The following RASA3 variants were observed in gnomAD, a reference collection of about 807,000 sequenced individuals.
The protein encoded by RASA3 is ras GTPase-activating protein 3.
RASA3 carries 73 observed loss-of-function variants against 110.0 expected under a neutral mutation model. The ratio of observed to expected loss-of-function variants is 0.66; its 90% confidence interval spans 0.55 to 0.81. The LOEUF (loss-of-function observed/expected upper bound fraction) is 0.81. Among genes scored for constraint, RASA3 ranks in the 30% least tolerant of loss-of-function variants. RASA3 has a pLI of 0.00. For missense variants in RASA3, 976 were observed against 1,113.2 expected, an observed-to-expected ratio of 0.88 and a Z score of 1.75; for synonymous variants, 500 against 451.4, an observed-to-expected ratio of 1.11 and a Z score of -1.37.
chr13:113,992,806 C>T (rs1424595856), intron 21 of RASA3, among the ~76,000 whole-genome samples: 1 of 152,218 alleles, frequency 6.6e-6, no homozygotes, highest in African/African-American at 2.4e-5. Context: ...GCAGTGTCAC[C>T]AGGCTGCAAA....
At chr13:114,050,526 C>T (rs911670547) in intron 3 of RASA3, among the ~76,000 whole-genome samples, 1 of 152,236 alleles carries the variant, frequency 6.6e-6, no homozygotes, top group Non-Finnish European at 1.5e-5. Context: ...GTCCGGGTCC[C>T]GACCCCTGCA....
At position 114,056,421 on chromosome 13, in the gene RASA3, C is replaced by G. The variant is rs565510040; in HGVS notation, c.174-4266G>C. The stretch of plus-strand genomic sequence containing the variant: ...CACCCTGATGCACAGGGTGGGAAAC[C>G]GAGGCACTCCAACATCTGATGAAAC... On this transcript the variant is annotated intron_variant, in intron 2 of 23. Transcript: ENST00000334062. This position sits in a 1 kb window ranked among gnomAD's most constrained non-coding sequence, Gnocchi z 5.7. 4.1e-6 allele frequency: 4 copies of G among 982,970 alleles called. No individual in the cohort carries two copies. The highest frequency in any genetic ancestry group is 4.8e-6 in the Non-Finnish European group (4 of 827,828). The allele number at this position is 982,970 out of a possible 1,614,324, so 60.9% of individuals were successfully genotyped here. A position where few individuals can be genotyped will look rare whatever the true frequency, so the allele number is the denominator to read the frequency against.
At chr13:114,032,097 C>G (rs539543925) in intron 4 of RASA3, among the ~76,000 whole-genome samples, 16 of 152,166 alleles carry the variant, frequency 1.1e-4, no homozygotes, top group African/African-American at 3.9e-4. Flanking sequence ...ATATTTATTC[C>G]CTATACAAGT....
At chr13:114,097,564 C>T (rs1282303560) in intron 1 of RASA3, among the ~76,000 whole-genome samples, 1 of 152,238 alleles carries the variant, frequency 6.6e-6, no homozygotes, top group African/African-American at 2.4e-5. Context: ...CTTCCTGAAG[C>T]ATCTAAACGC....
intron 4 of RASA3, among the ~76,000 whole-genome samples, chr13:114,036,650 G>A (rs912750722): frequency 6.6e-6 from 1 of 152,342 alleles, no homozygotes; most frequent in South Asian, 2.1e-4. Context: ...CGATTCTCCT[G>A]CCTCAACCTC....
chr13:114,016,957 G>A (rs1004381718), intron 12 of RASA3, among the ~76,000 whole-genome samples: 4 of 152,208 alleles, frequency 2.6e-5, no homozygotes, highest in Non-Finnish European at 4.4e-5. Context: ...GAGAAAGAAG[G>A]TCTCCCTGGG....
At chr13:114,095,457 T>C (rs1323070775) in intron 1 of RASA3, among the ~76,000 whole-genome samples, 1 of 152,196 alleles carries the variant, frequency 6.6e-6, no homozygotes, top group Non-Finnish European at 1.5e-5. Context: ...CAGATTTGCC[T>C]GTCCTGAACA....
In RASA3 at chr13:114,056,281, T is replaced by C. The variant is rs191832620; in HGVS notation, c.174-4126A>G. ...GTGTGTCTGATGTGTGTCTGATGCA[T>C]ATTTGGTGCGTGTCCGGTGCGTGGT... On this transcript the variant is annotated intron_variant, in intron 2 of 23. Coordinates refer to ENST00000334062, the MANE Select transcript of RASA3 (RefSeq NM_007368.4). The surrounding 1 kb of genome is among the most constrained non-coding windows in gnomAD (Gnocchi z 5.7). 1.3e-5 allele frequency among the ~76,000 whole-genome samples: 2 copies of C among 152,266 alleles called. No individual in the cohort carries two copies. Among genetic ancestry groups the C allele is most frequent in the Admixed American group, 1.3e-4 (2 of 15,300 alleles).
rs1443664467 is a variant in RASA3 at position 114,011,900 on chromosome 13, G to A, written c.1513-652C>T. ...TGGTACCACTGCACGCCAGCCTGGT[G>A]ACAGAGCAAGACTCTGTCTCAAAAA... On this transcript the variant is annotated intron_variant, in intron 15 of 23. Coordinates refer to ENST00000334062, the MANE Select transcript of RASA3 (RefSeq NM_007368.4). This position sits in a 1 kb window ranked among gnomAD's most constrained non-coding sequence, Gnocchi z 4.8. Among the ~76,000 whole-genome samples the A allele has an allele frequency of 5.9e-5, 9 of 151,932 alleles. No homozygotes were observed. The highest frequency in any genetic ancestry group is 1.9e-4 in the East Asian group (1 of 5,154).
chr13:114,016,255 T>G lies in RASA3; in HGVS notation c.1223A>C (p.Lys408Thr). The G allele has an allele frequency of 6.3e-7, 1 of 1,597,308 alleles. No individual in the cohort carries two copies. The highest frequency in any genetic ancestry group is 8.6e-7 in the Non-Finnish European group (1 of 1,164,870). Reference protein sequence around the residue: ...PAIEEICQSHKPCEIDPVKLK... With the variant: ...PAIEEICQSHTPCEIDPVKLK... ...CTTCACAGGGTCGATTTCACAGGGT[T>G]TGTGGCTCTGGCATATCTGGGGAGA... is the stretch of plus-strand genomic sequence containing the variant. The change falls in exon 13 of 24, where the codon AAA (lysine) becomes ACA (threonine). Residue 408 changes from lysine (K) to threonine (T), a missense_variant. Coordinates refer to ENST00000334062, the MANE Select transcript of RASA3 (RefSeq NM_007368.4).
chr13:114,025,217 C>T (rs1037127178), intron 7 of RASA3, among the ~76,000 whole-genome samples: 3 of 152,272 alleles, frequency 2.0e-5, no homozygotes, highest in Non-Finnish European at 4.4e-5. Context: ...AATCATGTTG[C>T]TAAAACTGCC....
chr13:114,002,428 C>T (rs970762237), intron 18 of RASA3, among the ~76,000 whole-genome samples: 1 of 151,908 alleles, frequency 6.6e-6, no homozygotes, highest in African/African-American at 2.4e-5. Context: ...GAAGTCAGCC[C>T]AGGAGGCTGT....
intron 19 of RASA3, among the ~76,000 whole-genome samples, chr13:114,000,550 G>A (rs951540793): frequency 5.3e-5 from 8 of 152,188 alleles, no homozygotes; most frequent in Non-Finnish European, 8.8e-5. Flanking sequence ...GAAGGGACGT[G>A]GACAGAAAAG....
chr13:114,013,910 GTCTC>G (rs140756588), intron 14 of RASA3, among the ~76,000 whole-genome samples: 4 of 60,958 alleles, frequency 6.6e-5, no homozygotes, highest in Admixed American at 1.6e-4. Flanking sequence ...CTCTTTCTCT[GTCTC>G]TCTCTCTCCG....
Position 114,011,460 on chromosome 13 carries a change from C to T in RASA3, c.1513-212G>A, listed in dbSNP as rs1293641806. Among the ~76,000 whole-genome samples the T allele has an allele frequency of 1.3e-5, 2 of 152,152 alleles. No individual in the cohort carries two copies. Among genetic ancestry groups the T allele is most frequent in the Admixed American group, 6.5e-5 (1 of 15,288 alleles). On this transcript the variant is annotated intron_variant, in intron 15 of 23. Transcript: ENST00000334062. The surrounding 1 kb of genome is among the most constrained non-coding windows in gnomAD (Gnocchi z 4.8). Reference sequence around the variant, plus strand: ...GCTGAGACCATCCCGCAGGCAACATCCGACGGCACCGCGGTGACCCACTCT... The same window carrying T: ...GCTGAGACCATCCCGCAGGCAACATTCGACGGCACCGCGGTGACCCACTCT...
intron 2 of RASA3, among the ~76,000 whole-genome samples, chr13:114,067,892 T>C (rs1161283303): frequency 1.3e-5 from 2 of 152,298 alleles, no homozygotes; most frequent in East Asian, 3.9e-4. Flanking sequence ...TAATTGTACA[T>C]AAAACACACA....
At chr13:114,067,935 C>A (rs1198380720) in intron 2 of RASA3, among the ~76,000 whole-genome samples, 1 of 152,250 alleles carries the variant, frequency 6.6e-6, no homozygotes, top group Non-Finnish European at 1.5e-5. Flanking sequence ...CATAATTCCA[C>A]TTCTCAGAAA....
intron 4 of RASA3, among the ~76,000 whole-genome samples, chr13:114,036,645 C>T (rs2054283567): frequency 6.6e-6 from 1 of 152,206 alleles, no homozygotes; most frequent in Non-Finnish European, 1.5e-5. Flanking sequence ...TCAAGCGATT[C>T]TCCTGCCTCA....
At position 114,115,298 on chromosome 13, in the gene RASA3, A is replaced by T. The variant is rs1594471568; in HGVS notation, c.55+17137T>A. On this transcript the variant is annotated intron_variant, in intron 1 of 23. Transcript: ENST00000334062. This position sits in a 1 kb window ranked among gnomAD's most constrained non-coding sequence, Gnocchi z 5.0. ...CTCCTGGCTGGGACGGCTGGTGAGG[A>T]TGTGAGTTCAATAGATGAACACCCC... 6.6e-6 allele frequency among the ~76,000 whole-genome samples: 1 copy of T among 152,136 alleles called. No homozygotes were observed. The highest frequency in any genetic ancestry group is 1.5e-5 in the Non-Finnish European group (1 of 68,036).
Sources: allele counts gnomAD v4.1 joint callset (sites outside exome capture counted in the v4.1 genomes callset), GRCh38; gene constraint gnomAD v4.1.1; non-coding constraint Gnocchi (gnomAD v3.1); transcripts MANE v1.5; gene names NCBI Gene and HGNC (gene_info 2026-07-23, HGNC 2026-07-21).